The following GCNT1 variants were observed in gnomAD, a reference collection of about 807,000 sequenced individuals.
GCNT1 encodes beta-1,3-galactosyl-O-glycosyl-glycoprotein beta-1,6-N-acetylglucosaminyltransferase.
Under a neutral mutation model 26.2 loss-of-function variants are expected in GCNT1, and 16 were observed. That is an observed-to-expected ratio of 0.61 (90% CI 0.41 to 0.93). The LOEUF (loss-of-function observed/expected upper bound fraction) is 0.93, where lower values mean the gene tolerates loss of function less well. Ranked by LOEUF, GCNT1 falls within the 40% of genes least tolerant of loss-of-function variation. The pLI, the probability that GCNT1 is intolerant of heterozygous loss-of-function variation, is 0.00. For missense variants in GCNT1, 477 were observed against 526.7 expected (o/e 0.91, Z 0.92); for synonymous variants, 183 against 190.8 (o/e 0.96, Z 0.34).
intron 2 of GCNT1, among the ~76,000 whole-genome samples, chr9:76,493,898 G>T (rs534168220): frequency 5.3e-5 from 8 of 152,218 alleles, no homozygotes; most frequent in African/African-American, 1.9e-4. Context: ...TTCCCCATCA[G>T]AGAGAGAATA....
At chr9:76,477,803 G>A (rs535821959) in intron 2 of GCNT1, among the ~76,000 whole-genome samples, 1 of 152,226 alleles carries the variant, frequency 6.6e-6, no homozygotes, top group South Asian at 2.1e-4. Flanking sequence ...CCCTCCCCCA[G>A]CTCTGGAAAC....
At chr9:76,421,796 C>T (rs1823200620) in intron 1 of GCNT1, among the ~76,000 whole-genome samples, 2 of 135,924 alleles carry the variant, frequency 1.5e-5, no homozygotes, top group South Asian at 5.2e-4. Context: ...TGGGCTCAAA[C>T]AATTCTCCTT....
At chr9:76,410,676 G>A in the GCNT1 span, among the ~76,000 whole-genome samples, 1 of 152,178 alleles carries the variant, frequency 6.6e-6, no homozygotes, top group Non-Finnish European at 1.5e-5. Flanking sequence ...TATCTATCTT[G>A]TTCCATTTGA....
In GCNT1 at chr9:76,502,738, G is replaced by A. The variant is rs113228037; in HGVS notation, c.357G>A (p.Ala119=). 1,144 of 1,614,062 alleles carry A rather than the reference G, an allele frequency of 7.1e-4. 9 individuals are homozygous for A. In the African/African-American group the frequency reaches 0.012, roughly 17 times the overall value. ...YIVEPLSKEE[A]EFPIAYSIVV... is the part of the protein sequence containing the mutation. ...TAGAACCCCTTAGTAAAGAAGAGGCGGAGTTTCCAATAGCATATTCTATAG... is the reference window on the plus strand; with the variant it reads ...TAGAACCCCTTAGTAAAGAAGAGGCAGAGTTTCCAATAGCATATTCTATAG... The change falls in exon 4 of 4, where the codon GCG becomes GCA. Residue 119 remains alanine, a synonymous_variant. Coordinates refer to ENST00000376730, the MANE Select transcript of GCNT1 (RefSeq NM_001490.5).
At chr9:76,482,867 G>A (rs946037179) in intron 2 of GCNT1, among the ~76,000 whole-genome samples, 1 of 146,470 alleles carries the variant, frequency 6.8e-6, no homozygotes, top group African/African-American at 2.5e-5. Flanking sequence ...GCCCAGGCTG[G>A]TCTCAAACTC....
At chr9:76,423,966 G>A (rs1161317732) in intron 1 of GCNT1, among the ~76,000 whole-genome samples, 1 of 152,168 alleles carries the variant, frequency 6.6e-6, no homozygotes, top group Non-Finnish European at 1.5e-5. Context: ...ACTATTTGTT[G>A]ACATATTACT....
intron 1 of GCNT1, among the ~76,000 whole-genome samples, chr9:76,445,805 G>A (rs1488182026): frequency 2.6e-5 from 4 of 151,906 alleles, no homozygotes; most frequent in East Asian, 4.0e-4. Context: ...TGAGACTCCT[G>A]TCTCTATAAA....
rs1057189967 is a variant in GCNT1 at position 76,459,294 on chromosome 9, C to T, written c.-419C>T. The T allele has an allele frequency of 6.6e-6, 1 of 152,546 alleles. No individual in the cohort carries two copies. Among genetic ancestry groups the T allele is most frequent in the East Asian group, 1.9e-4 (1 of 5,184 alleles). The allele number at this position is 152,546 out of a possible 1,614,324, so 9.4% of individuals were successfully genotyped here. A position where few individuals can be genotyped will look rare whatever the true frequency, so the allele number is the denominator to read the frequency against. The stretch of plus-strand genomic sequence containing the variant: ...ATCCTCCTGAGACTCCGGGGTCAGA[C>T]GCCCACTCCAGGTAACCGGCTCTCC... On this transcript the variant is annotated 5_prime_UTR_variant, in exon 1 of 4. The change creates a new upstream start codon in the 5' untranslated region. Transcript: ENST00000376730.
chr9:76,440,004 G>A (rs1823462271), upstream of GCNT1, among the ~76,000 whole-genome samples: 1 of 151,784 alleles, frequency 6.6e-6, no homozygotes, highest in African/African-American at 2.4e-5. Flanking sequence ...GGGAGGCTGA[G>A]GCAGGAGAAT....
chr9:76,487,617 TG>T (rs1824614467), intron 2 of GCNT1, among the ~76,000 whole-genome samples: 1 of 152,198 alleles, frequency 6.6e-6, no homozygotes, highest in Admixed American at 6.5e-5. Flanking sequence ...CAGTCTGCTG[TG>T]GTTGTCTGTT....
At chr9:76,469,808 G>A (rs1329003116) in intron 2 of GCNT1, among the ~76,000 whole-genome samples, 4 of 152,028 alleles carry the variant, frequency 2.6e-5, no homozygotes, top group African/African-American at 7.2e-5. Context: ...TGGGTTCCAC[G>A]GTTCTCTTCC....
At chr9:76,438,809 A>C (rs1466249939), upstream of GCNT1, among the ~76,000 whole-genome samples, 1 of 152,116 alleles carries the variant, frequency 6.6e-6, no homozygotes, top group Non-Finnish European at 1.5e-5. Flanking sequence ...GAAAAAAAAA[A>C]AAAAACTCAT....
At chr9:76,426,805 T>C (rs1227066564) in intron 1 of GCNT1, among the ~76,000 whole-genome samples, 1 of 151,724 alleles carries the variant, frequency 6.6e-6, no homozygotes, top group Admixed American at 6.6e-5. Flanking sequence ...TGGCAGAGGG[T>C]AGGGCTGAGG....
the GCNT1 span, chr9:76,394,026 G>A: frequency 1.1e-5 from 16 of 1,482,356 alleles, no homozygotes; most frequent in South Asian, 2.0e-4. Flanking sequence ...CAAGTCCCCG[G>A]CTGCCGTCTC....
intron 2 of GCNT1, among the ~76,000 whole-genome samples, chr9:76,491,444 T>C (rs924715799): frequency 4.6e-5 from 7 of 152,214 alleles, no homozygotes; most frequent in Admixed American, 2.0e-4. Context: ...TCCCTTTCTT[T>C]CCATATTGCA....
intron 1 of GCNT1, among the ~76,000 whole-genome samples, chr9:76,449,733 T>C (rs867497142): frequency 2.6e-5 from 4 of 152,206 alleles, no homozygotes; most frequent in African/African-American, 9.7e-5. Context: ...ATTTTCACTT[T>C]TTTTCTGTGA....
At chr9:76,452,094 G>T (rs1371582952) in intron 1 of GCNT1, among the ~76,000 whole-genome samples, 1 of 151,374 alleles carries the variant, frequency 6.6e-6, no homozygotes, top group African/African-American at 2.4e-5. Flanking sequence ...TCAGCCTCCC[G>T]AGTAACTGGG....
intron 1 of GCNT1, among the ~76,000 whole-genome samples, chr9:76,449,853 G>A (rs552065323): frequency 5.3e-5 from 8 of 151,726 alleles, no homozygotes; most frequent in Admixed American, 1.3e-4. Context: ...GTGTGATCTC[G>A]GCTCACTGCA....
chr9:76,483,440 G>A (rs1824477478), intron 2 of GCNT1, among the ~76,000 whole-genome samples: 1 of 151,692 alleles, frequency 6.6e-6, no homozygotes, highest in African/African-American at 2.4e-5. Context: ...ATAGAGACAG[G>A]GTCTTTCTCT....
Sources: gnomAD v4.1 joint callset for allele counts (sites outside exome capture counted in the v4.1 genomes callset) on GRCh38, gnomAD v4.1.1 for gene constraint, MANE v1.5 for transcripts, NCBI Gene and HGNC (gene_info 2026-07-23, HGNC 2026-07-21) for gene names.